Variants in PHF3 observed in about 807,000 individuals in gnomAD.
The protein encoded by PHF3 is PHD finger protein 3.
A neutral mutation model predicts 178.4 loss-of-function variants in PHF3; 41 were observed. That is an observed-to-expected ratio of 0.23 (90% CI 0.18 to 0.30). PHF3 has a LOEUF of 0.30. Ranked by LOEUF, PHF3 falls within the 10% of genes least tolerant of loss-of-function variation. The pLI is 1.00. For missense variants in PHF3, 2,346 were observed against 2,398.1 expected (o/e 0.98, Z 0.45); for synonymous variants, 842 against 800.5 (o/e 1.05, Z -0.88).
chr6:63,640,918 T>C (rs2149534375), intron 1 of PHF3, among the ~76,000 whole-genome samples: 1 of 152,322 alleles, frequency 6.6e-6, no homozygotes, highest in Non-Finnish European at 1.5e-5. Context: ...ATAGTACCCT[T>C]TCCAGTTGTG....
At chr6:63,658,240 T>C (rs1396744384) in intron 2 of PHF3, among the ~76,000 whole-genome samples, 1 of 152,242 alleles carries the variant, frequency 6.6e-6, no homozygotes, top group African/African-American at 2.4e-5. Flanking sequence ...CTTCAGCTCC[T>C]TTGGACTCTA....
chr6:63,646,260 C>T (rs1167662602), intron 1 of PHF3, among the ~76,000 whole-genome samples: 1 of 151,368 alleles, frequency 6.6e-6, no homozygotes. Flanking sequence ...TTTTTTTTTC[C>T]TAAAAATAAT....
At position 63,636,082 on chromosome 6, in the gene PHF3, T is replaced by A. The variant is rs1215818770; in HGVS notation, c.-94T>A. 2.6e-6 allele frequency: 1 copy of A among 391,824 alleles called. No homozygotes were observed. The highest frequency in any genetic ancestry group is 2.1e-5 in the African/African-American group (1 of 48,356). 24.3% of individuals were successfully genotyped at this position (391,824 alleles called of 1,614,324 possible). Reference sequence around the variant, plus strand: ...CACCCACCGGGCCCCCTCCTCCTCCTCTTCGGCGGCGGCAGCGTCCACCAT... The same window carrying A: ...CACCCACCGGGCCCCCTCCTCCTCCACTTCGGCGGCGGCAGCGTCCACCAT... On this transcript the variant is annotated 5_prime_UTR_variant, in exon 1 of 16. Coordinates refer to ENST00000262043, the MANE Select transcript of PHF3 (RefSeq NM_001370348.2).
In PHF3 at chr6:63,722,334, A is replaced by G. The variant is rs1456041648; in HGVS notation, c.*8626A>G. On this transcript the variant is annotated 3_prime_UTR_variant, in exon 16 of 16. Coordinates refer to ENST00000262043, the MANE Select transcript of PHF3 (RefSeq NM_001370348.2). ...ACTAGATAACTCCTACCTGTCCTTC[A>G]GGTTTCAGATCAAGTGTCACTTCCT... Among the ~76,000 whole-genome samples, 3 of 152,108 alleles carry G rather than the reference A, an allele frequency of 2.0e-5. No homozygotes were observed. The highest frequency in any genetic ancestry group is 4.8e-5 in the African/African-American group (2 of 41,416).
intron 2 of PHF3, among the ~76,000 whole-genome samples, chr6:63,671,242 CTGTT>C (rs1459821976): frequency 6.6e-6 from 1 of 152,030 alleles, no homozygotes; most frequent in Non-Finnish European, 1.5e-5. Context: ...TGGTACTGTA[CTGTT>C]TGTTTAACAA....
At position 63,721,677 on chromosome 6, in the gene PHF3, A is replaced by G. The variant is rs962118808; in HGVS notation, c.*7969A>G. On this transcript the variant is annotated 3_prime_UTR_variant, in exon 16 of 16. Coordinates refer to ENST00000262043, the MANE Select transcript of PHF3 (RefSeq NM_001370348.2). ...TGCACCAACTCTTCCTGCTTTTATT[A>G]TATGCCAAGTACTTCCGTTTATAGT... 5 of 1,551,332 alleles carry G rather than the reference A, an allele frequency of 3.2e-6. No homozygotes were observed. Among genetic ancestry groups the G allele is most frequent in the African/African-American group, 1.4e-5 (1 of 73,022 alleles).
chr6:63,687,918 A>G (rs1281608709), intron 4 of PHF3, among the ~76,000 whole-genome samples: 2 of 152,130 alleles, frequency 1.3e-5, no homozygotes, highest in Non-Finnish European at 2.9e-5. Context: ...AATTGATGTG[A>G]ATAATTTAAC....
At chr6:63,673,891 T>G (rs1317042661) in intron 2 of PHF3, among the ~76,000 whole-genome samples, 1 of 152,184 alleles carries the variant, frequency 6.6e-6, no homozygotes, top group East Asian at 1.9e-4. Context: ...CTTATCTGTC[T>G]TTAGAGTTTG....
At chr6:63,680,244 C>A in intron 3 of PHF3, 83 bp downstream of exon 3, 3 of 1,182,138 alleles carry the variant, frequency 2.5e-6, no homozygotes, top group South Asian at 3.2e-5. Context: ...GAGCAGAAAT[C>A]ATATTTTCTT....
At chr6:63,644,982 G>A (rs1170888899) in intron 1 of PHF3, among the ~76,000 whole-genome samples, 1 of 151,610 alleles carries the variant, frequency 6.6e-6, no homozygotes, top group Non-Finnish European at 1.5e-5. Flanking sequence ...CCGGGCTTAA[G>A]TGATCCTCCC....
At chr6:63,674,870 A>ATG (rs1766099224) in intron 2 of PHF3, among the ~76,000 whole-genome samples, 1 of 152,168 alleles carries the variant, frequency 6.6e-6, no homozygotes, top group Non-Finnish European at 1.5e-5. Context: ...CGCATTCCAA[A>ATG]TGTGAAGAGT....
chr6:63,720,492 G>T lies in PHF3; in HGVS notation c.*6784G>T. ...TATGTTAGCATTTAGACTATTTCAG[G>T]TAATATAGTAAACAGTTGATTCCCC... On this transcript the variant is annotated 3_prime_UTR_variant, in exon 16 of 16. Transcript: ENST00000262043. 2.6e-6 allele frequency: 2 copies of T among 774,368 alleles called. No homozygotes were observed. Among genetic ancestry groups the T allele is most frequent in the Non-Finnish European group, 3.9e-6 (2 of 506,346 alleles). 48.0% of individuals were successfully genotyped at this position (774,368 alleles called of 1,614,324 possible).
intron 4 of PHF3, chr6:63,686,329 ATTTTTC>A (rs1561966587): frequency 6.4e-6 from 1 of 157,264 alleles, no homozygotes; most frequent in African/African-American, 2.4e-5. Flanking sequence ...TGGAAATTCT[ATTTTTC>A]TTTTGAAGTT....
chr6:63,692,564 A>AC (rs1767054352), intron 5 of PHF3, among the ~76,000 whole-genome samples: 1 of 152,094 alleles, frequency 6.6e-6, no homozygotes, highest in African/African-American at 2.4e-5. Context: ...ATTACCTATC[A>AC]CTTTTTTAGT....
At chr6:63,639,322 A>T (rs1205139957) in intron 1 of PHF3, among the ~76,000 whole-genome samples, 1 of 152,180 alleles carries the variant, frequency 6.6e-6, no homozygotes, top group African/African-American at 2.4e-5. Context: ...TGTAATTTGC[A>T]TGAGCTGGGC....
intron 4 of PHF3, among the ~76,000 whole-genome samples, chr6:63,690,058 A>G (rs1766928762): frequency 6.6e-6 from 1 of 152,118 alleles, no homozygotes; most frequent in Non-Finnish European, 1.5e-5. Flanking sequence ...TAGCTTTGCA[A>G]CTCGAAGTGG....
At chr6:63,707,685 T>A (rs1439693388) in intron 13 of PHF3, among the ~76,000 whole-genome samples, 2 of 152,100 alleles carry the variant, frequency 1.3e-5, no homozygotes, top group Non-Finnish European at 2.9e-5. Context: ...TGTAAAAAAA[T>A]TCCTTTTATT....
At chr6:63,686,407 T>G (rs1434284432) in intron 4 of PHF3, 2 of 152,586 alleles carry the variant, frequency 1.3e-5, no homozygotes, top group East Asian at 1.9e-4. Context: ...AAACTTTATC[T>G]TGCAGTGAAA....
rs1477270561 is a variant in PHF3, at chr6:63,716,692, G to A, written c.*2984G>A. ...GGAGATTCCTTTTTTTTTGCGCCTT[G>A]GTTTCTAGCTTCTAGAGGGCACCCA... is the stretch of plus-strand genomic sequence containing the variant. On this transcript the variant is annotated 3_prime_UTR_variant, in exon 16 of 16. Coordinates refer to ENST00000262043, the MANE Select transcript of PHF3 (RefSeq NM_001370348.2). 1.3e-5 allele frequency among the ~76,000 whole-genome samples: 2 copies of A among 151,358 alleles called. No individual in the cohort carries two copies. The highest frequency in any genetic ancestry group is 2.9e-5 in the Non-Finnish European group (2 of 67,844).
Sources: gnomAD v4.1 joint callset for allele counts (sites outside exome capture counted in the v4.1 genomes callset) on GRCh38, gnomAD v4.1.1 for gene constraint, MANE v1.5 for transcripts, NCBI Gene and HGNC (gene_info 2026-07-23, HGNC 2026-07-21) for gene names.